MON2: variants seen among roughly 807,000 people sequenced by gnomAD.
The protein encoded by MON2 is protein MON2 homolog.
In MON2, 84 loss-of-function variants were observed where a neutral mutation model predicts 208.6. The observed-to-expected ratio is 0.40, with a 90% confidence interval of 0.34 to 0.48. The LOEUF (loss-of-function observed/expected upper bound fraction) is 0.48, where lower values mean the gene tolerates loss of function less well. Among genes scored for constraint, MON2 ranks in the 20% least tolerant of loss-of-function variants. The probability of loss-of-function intolerance (pLI) is 0.59; values close to 1 mark genes in which losing one functional copy is unlikely to be tolerated. For missense variants in MON2, 1,611 were observed against 2,015.4 expected (o/e 0.80, Z 3.84); for synonymous variants, 660 against 694.0 (o/e 0.95, Z 0.77).
intron 8 of MON2, among the ~76,000 whole-genome samples, chr12:62,519,317 G>A (rs991472960): frequency 6.6e-6 from 1 of 152,136 alleles, no homozygotes; most frequent in Non-Finnish European, 1.5e-5. Context: ...GATACTGGGG[G>A]TGGGTGGTGA....
In MON2 at chr12:62,552,651, T is replaced by TAA. The variant is rs753027170; in HGVS notation, c.2917-219_2917-218dup. 8.5e-4 allele frequency among the ~76,000 whole-genome samples: 122 copies of TAA among 143,214 alleles called. 1 individual carries two copies. Among genetic ancestry groups the TAA allele is most frequent in the Non-Finnish European group, 1.5e-3 (96 of 64,958 alleles). The allele number at this position is 143,214 out of a possible 152,430, so 94.0% of individuals were successfully genotyped here. On this transcript the variant is annotated intron_variant, in intron 23 of 34. Coordinates refer to ENST00000393630, the MANE Select transcript of MON2 (RefSeq NM_015026.3). ...CTTGACATTTTTTATAATAAAAAAGTAAAAAAAAAAAAGTTAGCTCAAGAT... is the reference window on the plus strand; with the variant it reads ...CTTGACATTTTTTATAATAAAAAAGTAAAAAAAAAAAAAAGTTAGCTCAAGAT...
At chr12:62,513,220 ATTTTC>A (rs950717431) in intron 8 of MON2, among the ~76,000 whole-genome samples, 14 of 151,864 alleles carry the variant, frequency 9.2e-5, no homozygotes, top group Non-Finnish European at 1.8e-4. Context: ...AGAAAATGGG[ATTTTC>A]TTTTCTTTTT....
At chr12:62,505,972 A>G (rs931022003) in intron 7 of MON2, among the ~76,000 whole-genome samples, 1 of 152,148 alleles carries the variant, frequency 6.6e-6, no homozygotes, top group Non-Finnish European at 1.5e-5. Flanking sequence ...TGCTTTGGCC[A>G]CAGAGATCAT....
Position 62,544,896 on chromosome 12 carries a change from A to G in MON2, c.2467-2A>G. The stretch of plus-strand genomic sequence containing the variant: ...ATTAAACTTAATTTTATATACCTTC[A>G]GGTCTGCCAGCATCCAAACTCTCGA... On this transcript the variant is annotated splice_acceptor_variant, in intron 20 of 34. Coordinates refer to ENST00000393630, the MANE Select transcript of MON2 (RefSeq NM_015026.3). LOFTEE classifies it high-confidence loss of function. 6.2e-7 allele frequency: 1 copy of G among 1,603,226 alleles called. No individual in the cohort carries two copies. The highest frequency in any genetic ancestry group is 8.5e-7 in the Non-Finnish European group (1 of 1,174,348).
intron 15 of MON2, 42 bp from the exon 16 acceptor site, chr12:62,537,560 A>G (rs1335294978): frequency 7.0e-7 from 1 of 1,420,158 alleles, no homozygotes; most frequent in East Asian, 2.3e-5. Context: ...ATTTTTAAGA[A>G]TACATAACAA....
chr12:62,526,470 T>C (rs1450065081), intron 11 of MON2, among the ~76,000 whole-genome samples: 1 of 152,156 alleles, frequency 6.6e-6, no homozygotes, highest in Admixed American at 6.5e-5. Flanking sequence ...TTTTTAAACC[T>C]CATTTCTCTC....
rs760537331 is a variant in MON2 at position 62,592,771 on chromosome 12, G to A, written c.*22G>A. The A allele has an allele frequency of 1.3e-6, 2 of 1,538,816 alleles. No individual in the cohort carries two copies. The highest frequency in any genetic ancestry group is 1.8e-6 in the Non-Finnish European group (2 of 1,127,894). ...TTGACCGGCTACAATATATTTGAAA[G>A]CAGGAAGATAGTCTAAAAAATGTTT... On this transcript the variant is annotated 3_prime_UTR_variant, in exon 35 of 35. Transcript: ENST00000393630.
intron 8 of MON2, among the ~76,000 whole-genome samples, chr12:62,510,945 A>G (rs949599695): frequency 6.6e-6 from 1 of 152,212 alleles, no homozygotes; most frequent in East Asian, 1.9e-4. Flanking sequence ...CAAAGTTGCA[A>G]ATATGTCTCT....
chr12:62,495,830 ATCT>A (rs2070446456), intron 4 of MON2, among the ~76,000 whole-genome samples: 1 of 152,044 alleles, frequency 6.6e-6, no homozygotes, highest in South Asian at 2.1e-4. Context: ...GGCTAGACAA[ATCT>A]TCTTTCACCA....
At chr12:62,576,049 C>A (rs1228166810) in intron 30 of MON2, among the ~76,000 whole-genome samples, 2 of 151,806 alleles carry the variant, frequency 1.3e-5, no homozygotes, top group Non-Finnish European at 2.9e-5. Flanking sequence ...GTAATATATT[C>A]AATATTCAAT....
At chr12:62,575,444 T>C (rs2136428643) in intron 30 of MON2, among the ~76,000 whole-genome samples, 1 of 152,336 alleles carries the variant, frequency 6.6e-6, no homozygotes, top group South Asian at 2.1e-4. Flanking sequence ...CTATGTTCTA[T>C]AGCTGAAGTT....
Position 62,535,622 on chromosome 12 carries a change from A to G in MON2, c.1813A>G (p.Ile605Val), listed in dbSNP as rs369551379. The G allele has an allele frequency of 1.2e-5, 19 of 1,613,650 alleles. No individual in the cohort carries two copies. Among genetic ancestry groups the G allele is most frequent in the Non-Finnish European group, 1.5e-5 (18 of 1,179,734 alleles). The change falls in exon 14 of 35, where the codon ATA (isoleucine) becomes GTA (valine). Residue 605 changes from isoleucine (I) to valine (V), a missense_variant. Transcript: ENST00000393630. ...LGLVTSRDAF[I>V]TAICKGSLPP... ...CCTTGTAACTTCAAGAGATGCCTTT[A>G]TAACTGCAATATGCAAAGGTTCCCT...
chr12:62,552,983 G>A lies in MON2; in HGVS notation c.3019G>A (p.Val1007Ile). ...AAAGCAGGCAGAAGAGAAAGGAGTT[G>A]TTTTAAATCGGCCATTCCACCCTGC... is the stretch of plus-strand genomic sequence containing the variant. Reference protein sequence around the residue: ...QQKQAEEKGVVLNRPFHPAPP... With the variant: ...QQKQAEEKGVILNRPFHPAPP... Residue 1007 changes from valine to isoleucine, a missense_variant, in exon 24 of 35, where the codon GTT (valine) becomes ATT (isoleucine). Physicochemically the swap from Val to Ile is conservative, Grantham distance 29 (BLOSUM62 3). Coordinates refer to ENST00000393630, the MANE Select transcript of MON2 (RefSeq NM_015026.3). 1 of 1,614,180 alleles carries A rather than the reference G, an allele frequency of 6.2e-7. No homozygotes were observed. Among genetic ancestry groups the A allele is most frequent in the Non-Finnish European group, 8.5e-7 (1 of 1,180,006 alleles).
chr12:62,584,203 C>G (rs768226652), intron 32 of MON2, among the ~76,000 whole-genome samples: 2 of 152,076 alleles, frequency 1.3e-5, no homozygotes, highest in Non-Finnish European at 2.9e-5. Flanking sequence ...CCCTGAATTT[C>G]TGATTCAGTA....
intron 1 of MON2, among the ~76,000 whole-genome samples, chr12:62,478,251 AAT>A (rs2069202835): frequency 6.6e-6 from 1 of 152,226 alleles, no homozygotes; most frequent in Non-Finnish European, 1.5e-5. Context: ...GATAGACAAT[AAT>A]ATAGAGCTAT....
At chr12:62,470,700 G>A (rs760549827) in intron 1 of MON2, 1 of 1,144,006 alleles carries the variant, frequency 8.7e-7, no homozygotes, top group South Asian at 1.8e-5. Flanking sequence ...CCTATTTGCA[G>A]GTACAGATGA....
chr12:62,504,878 G>T (rs2071023713), intron 7 of MON2, among the ~76,000 whole-genome samples: 1 of 152,176 alleles, frequency 6.6e-6, no homozygotes, highest in Admixed American at 6.5e-5. Flanking sequence ...AAAGTGTTAG[G>T]AAATGAATAA....
chr12:62,467,374 A>C, intron 1 of MON2, 56 bp downstream of exon 1: 3 of 1,399,870 alleles, frequency 2.1e-6, no homozygotes, highest in Non-Finnish European at 3.0e-6. Flanking sequence ...GTCCTGTTAG[A>C]CTCAGTGCTT....
chr12:62,473,348 G>T (rs1255567708), intron 1 of MON2, among the ~76,000 whole-genome samples: 5 of 151,974 alleles, frequency 3.3e-5, no homozygotes, highest in Non-Finnish European at 1.5e-5. Flanking sequence ...TGGTATGTGA[G>T]TCCATGTGAG....
Sources: allele counts gnomAD v4.1 joint callset (sites outside exome capture counted in the v4.1 genomes callset), GRCh38; gene constraint gnomAD v4.1.1; transcripts MANE v1.5; gene names NCBI Gene and HGNC (gene_info 2026-07-23, HGNC 2026-07-21).